Variants in MEI4 observed in about 807,000 individuals in gnomAD.
MEI4 encodes meiotic double-stranded break formation protein 4, also known as meiosis-specific protein MEI4.
In MEI4, 27 loss-of-function variants were observed where a neutral mutation model predicts 31.4. The ratio of observed to expected loss-of-function variants is 0.86; its 90% confidence interval spans 0.63 to 1.19. The LOEUF (loss-of-function observed/expected upper bound fraction) is 1.19. Among genes scored for constraint, MEI4 ranks in the 50% most tolerant of loss-of-function variants. The pLI, the probability that MEI4 is intolerant of heterozygous loss-of-function variation, is 0.00. For synonymous variants in MEI4, 122 were observed against 145.4 expected (o/e 0.84, Z 1.16); for missense variants, 329 against 398.9 (o/e 0.82, Z 1.49).
At chr6:77,755,851 T>TGTGTGTGTGC (rs370822572) in intron 2 of MEI4, among the ~76,000 whole-genome samples, 1 of 151,708 alleles carries the variant, frequency 6.6e-6, no homozygotes, top group Non-Finnish European at 1.5e-5. Context: ...TGTGTGTGTG[T>TGTGTGTGTGC]GTGTATTTTA....
Position 77,761,283 on chromosome 6 carries a change from A to T in MEI4, c.386A>T (p.His129Leu), listed in dbSNP as rs889926322. The change falls in exon 3 of 5, where the codon CAC becomes CTC. Residue 129 changes from histidine (H) to leucine (L), a missense_variant. By Grantham distance (99) the His-to-Leu change is moderately conservative. Transcript: ENST00000684080. ...TTTGTGGAAAGCTGTACCCCCACTCACTTTCCACCACTGCCTCTTGTGAAA... is the reference window on the plus strand; with the variant it reads ...TTTGTGGAAAGCTGTACCCCCACTCTCTTTCCACCACTGCCTCTTGTGAAA... The part of the protein sequence containing the change: ...QHFVESCTPT[H>L]FPPLPLVKRP... 1 of 1,232,504 alleles carries T rather than the reference A, an allele frequency of 8.1e-7. No homozygotes were observed. Among genetic ancestry groups the T allele is most frequent in the Non-Finnish European group, 1.0e-6 (1 of 988,024 alleles). The allele number at this position is 1,232,504 out of a possible 1,614,324, so 76.3% of individuals were successfully genotyped here.
At chr6:77,796,511 A>G (rs549133100) in intron 3 of MEI4, among the ~76,000 whole-genome samples, 12 of 152,338 alleles carry the variant, frequency 7.9e-5, no homozygotes, top group African/African-American at 2.9e-4. Flanking sequence ...GAATTCAGTA[A>G]AGTTGCAGAC....
chr6:77,705,179 C>T (rs955024966), intron 2 of MEI4, among the ~76,000 whole-genome samples: 1 of 151,306 alleles, frequency 6.6e-6, no homozygotes. Flanking sequence ...TCCCTTCTCC[C>T]CTCCATCTTA....
At chr6:77,713,806 T>C (rs996658442) in intron 2 of MEI4, among the ~76,000 whole-genome samples, 1 of 152,216 alleles carries the variant, frequency 6.6e-6, no homozygotes, top group Non-Finnish European at 1.5e-5. Context: ...CCTTCCACAA[T>C]GAGCTTTGTG....
At chr6:77,721,898 C>A (rs1766716086) in intron 2 of MEI4, among the ~76,000 whole-genome samples, 1 of 122,442 alleles carries the variant, frequency 8.2e-6, no homozygotes, top group Non-Finnish European at 1.7e-5. Context: ...GTTTCTGCAG[C>A]ACATAAAATA....
chr6:77,751,818 G>T (rs1767782462), intron 2 of MEI4, among the ~76,000 whole-genome samples: 1 of 152,048 alleles, frequency 6.6e-6, no homozygotes, highest in Admixed American at 6.6e-5. Flanking sequence ...AACAAAAAAA[G>T]AAAATTTCAG....
chr6:77,861,985 C>G (rs1476653338), intron 4 of MEI4, among the ~76,000 whole-genome samples: 2 of 151,294 alleles, frequency 1.3e-5, no homozygotes, highest in Admixed American at 1.3e-4. Context: ...TAACCAAACA[C>G]ATTTTGGGAA....
chr6:77,783,675 C>T (rs1554164105), intron 3 of MEI4, among the ~76,000 whole-genome samples: 1 of 152,000 alleles, frequency 6.6e-6, no homozygotes, highest in African/African-American at 2.4e-5. Context: ...ATGAATATCT[C>T]TGTTTTTTTA....
intron 3 of MEI4, among the ~76,000 whole-genome samples, chr6:77,762,012 T>C (rs1170173549): frequency 6.6e-6 from 1 of 152,238 alleles, no homozygotes; most frequent in Non-Finnish European, 1.5e-5. Flanking sequence ...TTGAGAAAAC[T>C]GCTAACAAAT....
chr6:77,890,254 C>T (rs1352041662), intron 4 of MEI4, among the ~76,000 whole-genome samples: 1 of 152,166 alleles, frequency 6.6e-6, no homozygotes, highest in East Asian at 1.9e-4. Flanking sequence ...GGGAGCTATA[C>T]CCTGCAAAGC....
chr6:77,893,780 T>C (rs962482172), intron 4 of MEI4, among the ~76,000 whole-genome samples: 2 of 152,196 alleles, frequency 1.3e-5, no homozygotes, highest in African/African-American at 4.8e-5. Flanking sequence ...CATTTGGCTT[T>C]TTCTGTGACA....
chr6:77,736,661 C>G (rs528330368), intron 2 of MEI4, among the ~76,000 whole-genome samples: 11 of 152,106 alleles, frequency 7.2e-5, no homozygotes, highest in South Asian at 4.2e-4. Context: ...GCTCCTACCC[C>G]CTTAATTCAG....
intron 4 of MEI4, among the ~76,000 whole-genome samples, chr6:77,911,383 G>A (rs945832134): frequency 2.0e-5 from 3 of 151,874 alleles, no homozygotes; most frequent in African/African-American, 7.3e-5. Flanking sequence ...CTGCAGTTTG[G>A]TATACAAATG....
intron 2 of MEI4, among the ~76,000 whole-genome samples, chr6:77,699,434 C>T (rs1050790753): frequency 3.5e-4 from 53 of 152,156 alleles, no homozygotes; most frequent in African/African-American, 8.4e-4. Flanking sequence ...CCTCGTGATC[C>T]GCCCGCCTCG....
rs188397391 is a variant in MEI4 at position 77,918,650 on chromosome 6, A to G, written c.901-4439A>G. ...TGAGACTTTGCTGAAGTTGCTTATC[A>G]CCTTAAGGAGATTTTGGGCTGAGAC... On this transcript the variant is annotated intron_variant, in intron 4 of 4. Transcript: ENST00000684080. Among the ~76,000 whole-genome samples, 250 of 149,096 alleles carry G rather than the reference A, an allele frequency of 1.7e-3. 2 individuals are homozygous for G. Among genetic ancestry groups the G allele is most frequent in the African/African-American group, 5.8e-3 (235 of 40,464 alleles).
chr6:77,919,280 G>C (rs1766643305), intron 4 of MEI4, among the ~76,000 whole-genome samples: 1 of 151,876 alleles, frequency 6.6e-6, no homozygotes, highest in African/African-American at 2.4e-5. Context: ...TAAAAGAACA[G>C]AGATTATAAC....
At chr6:77,874,063 A>G (rs972333596) in intron 4 of MEI4, among the ~76,000 whole-genome samples, 66 of 152,108 alleles carry the variant, frequency 4.3e-4, no homozygotes, top group Non-Finnish European at 7.5e-4. Context: ...TGTTCTTTTG[A>G]CTTAGGATTG....
chr6:77,675,018 A>C (rs1768814820), intron 1 of MEI4, among the ~76,000 whole-genome samples: 1 of 151,940 alleles, frequency 6.6e-6, no homozygotes, highest in South Asian at 2.1e-4. Flanking sequence ...TCATTGCTTA[A>C]TAGTATTTGT....
intron 2 of MEI4, among the ~76,000 whole-genome samples, chr6:77,748,512 A>C (rs1767674403): frequency 1.3e-5 from 2 of 152,136 alleles, no homozygotes; most frequent in South Asian, 2.1e-4. Context: ...ACAGAGCAGG[A>C]GTGTGGTCCT....
Sources: gnomAD v4.1 joint callset for allele counts (sites outside exome capture counted in the v4.1 genomes callset) on GRCh38, gnomAD v4.1.1 for gene constraint, MANE v1.5 for transcripts, NCBI Gene and HGNC (gene_info 2026-07-23, HGNC 2026-07-21) for gene names.